Variants in ARL5B observed in about 807,000 individuals in gnomAD.
ARL5B encodes ARF like GTPase 5B.
ARL5B carries 10 observed loss-of-function variants against 26.9 expected under a neutral mutation model. The observed-to-expected ratio is 0.37, with a 90% CI of 0.23 to 0.63. The LOEUF (loss-of-function observed/expected upper bound fraction) is 0.63. ARL5B is among the 30% of genes least tolerant of loss of function. The probability of loss-of-function intolerance (pLI) is 0.62; values close to 1 mark genes in which losing one functional copy is unlikely to be tolerated. For synonymous variants in ARL5B, 87 were observed against 70.4 expected (o/e 1.24, Z -1.18); for missense variants, 167 against 213.9 (o/e 0.78, Z 1.37).
At chr10:18,661,546 C>T (rs759370113) in intron 1 of ARL5B, among the ~76,000 whole-genome samples, 11 of 152,112 alleles carry the variant, frequency 7.2e-5, no homozygotes, top group African/African-American at 2.7e-4. Flanking sequence ...TTCATTCATA[C>T]AGCCATAGGC....
At chr10:18,669,061 G>T (rs937595383) in intron 3 of ARL5B, among the ~76,000 whole-genome samples, 13 of 151,998 alleles carry the variant, frequency 8.6e-5, no homozygotes, top group Admixed American at 8.5e-4. Context: ...GAGCCACCGT[G>T]GCCGGCCTTT....
chr10:18,667,696 A>AATAT (rs150786260), intron 2 of ARL5B, among the ~76,000 whole-genome samples: 79 of 149,312 alleles, frequency 5.3e-4, no homozygotes, highest in African/African-American at 1.5e-3. Context: ...CAGTATTCTA[A>AATAT]ATATATATAT....
At chr10:18,674,653 G>A (rs919304575) in intron 5 of ARL5B, among the ~76,000 whole-genome samples, 1 of 152,156 alleles carries the variant, frequency 6.6e-6, no homozygotes, top group Non-Finnish European at 1.5e-5. Flanking sequence ...AGGCCAAGAA[G>A]AACCGAATGT....
At chr10:18,668,752 G>C in intron 3 of ARL5B, 75 bp downstream of exon 3, 1 of 1,451,358 alleles carries the variant, frequency 6.9e-7, no homozygotes, top group Non-Finnish European at 9.2e-7. Flanking sequence ...GGCTGCACCT[G>C]GGCGTATTGA....
chr10:18,659,753 G>A, intron 1 of ARL5B, 70 bp downstream of exon 1: 3 of 1,585,754 alleles, frequency 1.9e-6, no homozygotes, highest in Non-Finnish European at 2.6e-6. Context: ...GGGGACACCG[G>A]AGACAGGGGA....
At position 18,681,195 on chromosome 10, in the gene ARL5B, CTG is replaced by C. The variant is rs748784608; in HGVS notation, c.*5985_*5986del. ...AGAAAAATGTCTTTCACACCACAAA[CTG>C]TGTGTCTGAACCCCAGCCAAACAAA... On this transcript the variant is annotated 3_prime_UTR_variant, in exon 6 of 6. Transcript: ENST00000377275. The C allele has an allele frequency of 4.2e-4, 64 of 152,248 alleles. No homozygotes were observed. The highest frequency in any genetic ancestry group is 1.5e-3 in the African/African-American group (63 of 41,556). 9.4% of individuals were successfully genotyped at this position (152,248 alleles called of 1,614,324 possible). A position where few individuals can be genotyped will look rare whatever the true frequency, so the allele number is the denominator to read the frequency against.
intron 2 of ARL5B, among the ~76,000 whole-genome samples, 182 bp downstream of exon 2, chr10:18,666,817 C>G (rs1019871307): frequency 6.6e-6 from 1 of 151,732 alleles, no homozygotes; most frequent in Non-Finnish European, 1.5e-5. Flanking sequence ...TTTGCTAAAC[C>G]CTTCACAAAC....
chr10:18,663,128 C>T (rs1014136759), intron 1 of ARL5B, among the ~76,000 whole-genome samples: 4 of 152,096 alleles, frequency 2.6e-5, no homozygotes, highest in African/African-American at 4.8e-5. Context: ...CCTGCCCCAC[C>T]CTCTGGAGTA....
chr10:18,659,609 G>A lies in ARL5B; in HGVS notation c.-29G>A. The A allele has an allele frequency of 6.2e-7, 1 of 1,604,098 alleles. No individual in the cohort carries two copies. The highest frequency in any genetic ancestry group is 8.5e-7 in the Non-Finnish European group (1 of 1,175,870). Reference sequence around the variant, plus strand: ...CGGCGCAGCGGCACCTGCTGCCGAGGGACCCCGCGGCCCGCCCCGGTGCTC... The same window carrying A: ...CGGCGCAGCGGCACCTGCTGCCGAGAGACCCCGCGGCCCGCCCCGGTGCTC... On this transcript the variant is annotated 5_prime_UTR_variant, in exon 1 of 6. Transcript: ENST00000377275.
intron 1 of ARL5B, 78 bp downstream of exon 1, chr10:18,659,761 G>A: frequency 1.3e-6 from 2 of 1,579,360 alleles, no homozygotes; most frequent in African/African-American, 1.4e-5. Flanking sequence ...CGGAGACAGG[G>A]GACAGAGCGT....
In ARL5B at chr10:18,679,591, A is replaced by G. The variant is rs1267857987; in HGVS notation, c.*4375A>G. 2 of 151,950 alleles carry G rather than the reference A, an allele frequency of 1.3e-5. No individual in the cohort carries two copies. Among genetic ancestry groups the G allele is most frequent in the African/African-American group, 4.8e-5 (2 of 41,422 alleles). 9.4% of individuals were successfully genotyped at this position (151,950 alleles called of 1,614,324 possible). A position where few individuals can be genotyped will look rare whatever the true frequency, so the allele number is the denominator to read the frequency against. On this transcript the variant is annotated 3_prime_UTR_variant, in exon 6 of 6. Coordinates refer to ENST00000377275, the MANE Select transcript of ARL5B (RefSeq NM_178815.5). The stretch of plus-strand genomic sequence containing the variant: ...AATTTTAGGGGACCAAAATAAATAG[A>G]GGAAGACCAATATAAAAAAATATGT...
At chr10:18,670,095 G>A (rs966485143) in intron 3 of ARL5B, among the ~76,000 whole-genome samples, 3 of 151,718 alleles carry the variant, frequency 2.0e-5, no homozygotes, top group Non-Finnish European at 2.9e-5. Context: ...TAAAAAACAT[G>A]TATTGTTCTA....
chr10:18,659,794 G>A, intron 1 of ARL5B, 111 bp downstream of exon 1: 7 of 1,535,704 alleles, frequency 4.6e-6, no homozygotes, highest in Non-Finnish European at 6.1e-6. Flanking sequence ...AGGAGGAAGG[G>A]ACTTAGGCCA....
At position 18,680,501 on chromosome 10, in the gene ARL5B, G is replaced by A. The variant is rs1479295411; in HGVS notation, c.*5285G>A. ...GTAAGATATCAAATGACTATCAGTT[G>A]ATCCCAGTCATCAGTGACTTATTTG... On this transcript the variant is annotated 3_prime_UTR_variant, in exon 6 of 6. Transcript: ENST00000377275. The A allele has an allele frequency of 6.6e-6, 1 of 151,942 alleles. No homozygotes were observed. The highest frequency in any genetic ancestry group is 1.5e-5 in the Non-Finnish European group (1 of 67,930). The allele number at this position is 151,942 out of a possible 1,614,324, so 9.4% of individuals were successfully genotyped here.
Position 18,659,992 on chromosome 10 carries a change from T to A in ARL5B, c.46+309T>A, listed in dbSNP as rs1178887982. The A allele has an allele frequency of 9.4e-6, 9 of 958,394 alleles. No homozygotes were observed. In the East Asian group the frequency reaches 7.0e-4, roughly 74 times the overall value. The allele number at this position is 958,394 out of a possible 1,614,324, so 59.4% of individuals were successfully genotyped here. A position where few individuals can be genotyped will look rare whatever the true frequency, so the allele number is the denominator to read the frequency against. ...CCAGGAGGCGTATGGAGGGCCTTTC[T>A]CGTCTTTATTGAAGCGTGCTTGTGT... On this transcript the variant is annotated intron_variant, in intron 1 of 5. Coordinates refer to ENST00000377275, the MANE Select transcript of ARL5B (RefSeq NM_178815.5).
chr10:18,677,054 T>G lies in ARL5B; in HGVS notation c.*1838T>G, dbSNP rs952786015. ...GTGGTGTGTGTGGGATGTGGGGGAA[T>G]TAAGAAAATGCCATTTACCTAAGCA... is the stretch of plus-strand genomic sequence containing the variant. On this transcript the variant is annotated 3_prime_UTR_variant, in exon 6 of 6. Transcript: ENST00000377275. 1 of 152,172 alleles carries G rather than the reference T, an allele frequency of 6.6e-6. No homozygotes were observed. 9.4% of individuals were successfully genotyped at this position (152,172 alleles called of 1,614,324 possible). A position where few individuals can be genotyped will look rare whatever the true frequency, so the allele number is the denominator to read the frequency against.
At chr10:18,668,865 G>C (rs2059873931) in intron 3 of ARL5B, among the ~76,000 whole-genome samples, 188 bp downstream of exon 3, 1 of 150,250 alleles carries the variant, frequency 6.7e-6, no homozygotes, top group Non-Finnish European at 1.5e-5. Flanking sequence ...CGCCTGCTGA[G>C]TTCAAGCCAT....
chr10:18,669,561 G>T (rs1324783351), intron 3 of ARL5B, among the ~76,000 whole-genome samples: 1 of 152,092 alleles, frequency 6.6e-6, no homozygotes, highest in Non-Finnish European at 1.5e-5. Context: ...ATTAGAGGCA[G>T]ATTTTTTTAA....
rs188888169 is a variant in ARL5B, at chr10:18,674,349, A to G, written c.491+214A>G. Among the ~76,000 whole-genome samples, 26 of 152,366 alleles carry G rather than the reference A, an allele frequency of 1.7e-4. 1 individual carries two copies. Among genetic ancestry groups the G allele is most frequent in the Admixed American group, 7.2e-4 (11 of 15,304 alleles). On this transcript the variant is annotated intron_variant, in intron 5 of 5. Transcript: ENST00000377275. ...ACTTTTAATGTAAATATAATGTTTT[A>G]CCAAAAAGCAATAAACTATTGAATT... is the stretch of plus-strand genomic sequence containing the variant.
Sources: allele counts gnomAD v4.1 joint callset (sites outside exome capture counted in the v4.1 genomes callset), GRCh38; gene constraint gnomAD v4.1.1; transcripts MANE v1.5; gene names NCBI Gene and HGNC (gene_info 2026-07-23, HGNC 2026-07-21).